Variants in ZBTB17 observed in about 807,000 individuals in gnomAD.
ZBTB17 encodes zinc finger and BTB domain containing 17.
Under a neutral mutation model 85.1 loss-of-function variants are expected in ZBTB17, and 24 were observed. The ratio of observed to expected loss-of-function variants is 0.28; its 90% CI spans 0.20 to 0.40. The LOEUF (loss-of-function observed/expected upper bound fraction) is 0.40. Among genes scored for constraint, ZBTB17 ranks in the 10% least tolerant of loss-of-function variants. The probability of loss-of-function intolerance (pLI) is 1.00; values close to 1 mark genes in which losing one functional copy is unlikely to be tolerated. For synonymous variants in ZBTB17, 464 were observed against 460.2 expected (o/e 1.01, Z -0.11); for missense variants, 743 against 1,105.1 (o/e 0.67, Z 4.65).
intron 7 of ZBTB17, 24 bp from the exon 8 acceptor site, chr1:15,944,863 G>A: frequency 1.3e-6 from 2 of 1,576,888 alleles, no homozygotes; most frequent in South Asian, 2.3e-5. Flanking sequence ...GGGGAAGCGG[G>A]GTGTGAGGAG....
chr1:15,944,871 G>A (rs1187304372), intron 7 of ZBTB17, 32 bp from the exon 8 acceptor site: 4 of 1,571,772 alleles, frequency 2.5e-6, no homozygotes, highest in Non-Finnish European at 3.5e-6. Context: ...GGGGTGTGAG[G>A]AGCAGCCGGT....
rs1169687720 is a variant in ZBTB17, at chr1:15,943,511, G to A, written c.1585C>T (p.Pro529Ser). 6.2e-7 allele frequency: 1 copy of A among 1,610,016 alleles called. No individual in the cohort carries two copies. Among genetic ancestry groups the A allele is most frequent in the Non-Finnish European group, 8.5e-7 (1 of 1,177,242 alleles). The change falls in exon 12 of 16, where the codon CCA becomes TCA. Residue 529 changes from proline to serine, a missense_variant. Pro to Ser is a moderately conservative substitution (Grantham distance 74). This residue lies in a region of ZBTB17 where 321 missense variants were observed against 615.7 expected (regional missense o/e 0.52). Coordinates refer to ENST00000375743, the MANE Select transcript of ZBTB17 (RefSeq NM_003443.3). ...RHVRIHTGEK[P>S]CQCVMCGKAF... Reference sequence around the variant, plus strand: ...TTACCGCACATCACACACTGGCATGGCTTCTCACCTGGGGACCGGGCAGAA... The same window carrying A: ...TTACCGCACATCACACACTGGCATGACTTCTCACCTGGGGACCGGGCAGAA...
Position 15,951,614 on chromosome 1 carries a change from T to C in ZBTB17, c.-2-3117A>G, listed in dbSNP as rs1246546118. Among the ~76,000 whole-genome samples, 4 of 152,136 alleles carry C rather than the reference T, an allele frequency of 2.6e-5. No homozygotes were observed. In the East Asian group the frequency reaches 7.7e-4, roughly 29 times the overall value. Reference sequence around the variant, plus strand: ...CAAGGCCCGTGGCGAGACGGAGGCATGGCCGGCTGGGTCCTTCCCTCTGAG... The same window carrying C: ...CAAGGCCCGTGGCGAGACGGAGGCACGGCCGGCTGGGTCCTTCCCTCTGAG... On this transcript the variant is annotated intron_variant, in intron 2 of 15. Coordinates refer to ENST00000375743, the MANE Select transcript of ZBTB17 (RefSeq NM_003443.3). The surrounding 1 kb of genome is among the most constrained non-coding windows in gnomAD (Gnocchi z 4.1).
At chr1:15,968,134 C>A (rs183502465) in intron 2 of ZBTB17, among the ~76,000 whole-genome samples, 266 of 152,292 alleles carry the variant, frequency 1.7e-3, no homozygotes, top group Middle Eastern at 6.8e-3. Context: ...CCCTGCTATA[C>A]TGGAACAAGA....
At chr1:15,944,223 C>A (rs1056935463) in intron 9 of ZBTB17, 77 bp downstream of exon 9, 49 of 1,526,486 alleles carry the variant, frequency 3.2e-5, no homozygotes, top group Admixed American at 3.9e-5. Flanking sequence ...GCTCCCCGCC[C>A]GCCCCACCAC....
intron 1 of ZBTB17, among the ~76,000 whole-genome samples, chr1:15,974,591 T>C (rs2072793286): frequency 6.6e-6 from 1 of 152,110 alleles, no homozygotes; most frequent in Admixed American, 6.5e-5. Context: ...TTTTTCTTTT[T>C]TGAGACGGAA....
intron 2 of ZBTB17, among the ~76,000 whole-genome samples, chr1:15,954,111 C>T (rs1235279610): frequency 6.6e-6 from 1 of 152,144 alleles, no homozygotes; most frequent in Non-Finnish European, 1.5e-5. Context: ...AGTGGAGAGA[C>T]ATCTAGAGCT....
intron 2 of ZBTB17, among the ~76,000 whole-genome samples, chr1:15,968,809 G>A (rs765425555): frequency 6.6e-5 from 10 of 152,326 alleles, no homozygotes; most frequent in South Asian, 2.1e-4. Context: ...GCAACCTGGC[G>A]TCCCCACAGG....
chr1:15,962,347 T>C (rs1193650882), intron 2 of ZBTB17, among the ~76,000 whole-genome samples: 2 of 152,314 alleles, frequency 1.3e-5, no homozygotes, highest in African/African-American at 4.8e-5. Context: ...CAGAGGAGGT[T>C]ACTGGCAAGA....
Position 15,946,923 on chromosome 1 carries a change from C to T in ZBTB17, c.394+12G>A. ...CTGGCCATCTGCTTGGGAGCAGCTGCCAATAACCTACCTTCTGTGGCCAAG... is the reference window on the plus strand; with the variant it reads ...CTGGCCATCTGCTTGGGAGCAGCTGTCAATAACCTACCTTCTGTGGCCAAG... On this transcript the variant is annotated intron_variant, in intron 4 of 15. Transcript: ENST00000375743. 6.2e-7 allele frequency: 1 copy of T among 1,601,258 alleles called. No homozygotes were observed.
chr1:15,959,646 AG>A, intron 2 of ZBTB17, among the ~76,000 whole-genome samples: 1 of 149,052 alleles, frequency 6.7e-6, no homozygotes, highest in Middle Eastern at 3.4e-3. Flanking sequence ...GAAGGGAGGG[AG>A]GGAGGTCCCA....
intron 2 of ZBTB17, 102 bp from the exon 3 acceptor site, chr1:15,948,599 G>A: frequency 1.6e-6 from 2 of 1,258,832 alleles, no homozygotes; most frequent in Non-Finnish European, 2.2e-6. Context: ...GGAGAAGACA[G>A]AATTAAAACA....
At position 15,953,180 on chromosome 1, in the gene ZBTB17, A is replaced by AT. The variant is rs112043935; in HGVS notation, c.-2-4684dup. ...ACATTCCAATTATTTAAAAAAATGT[A>AT]TTTTTTTTTTTTTGTAGAAGCAGGA... On this transcript the variant is annotated intron_variant, in intron 2 of 15. Transcript: ENST00000375743. The surrounding 1 kb of genome is among the most constrained non-coding windows in gnomAD (Gnocchi z 5.1). Among the ~76,000 whole-genome samples, 1,155 of 145,128 alleles carry AT rather than the reference A, an allele frequency of 8.0e-3. 7 individuals carry two copies. Among genetic ancestry groups the AT allele is most frequent in the Middle Eastern group, 0.025 (7 of 276 alleles).
rs1467882789 is a variant in ZBTB17, at chr1:15,942,873, C to T, written c.1829-135G>A. 6 of 1,340,818 alleles carry T rather than the reference C, an allele frequency of 4.5e-6. No homozygotes were observed. In the African/African-American group the frequency reaches 5.8e-5, roughly 13 times the overall value. The allele number at this position is 1,340,818 out of a possible 1,614,324, so 83.1% of individuals were successfully genotyped here. ...TGCTCTGGGGTGGCTGCACGGGTGC[C>T]TCTGGTGACACTGGCACCTCTGGAA... is the stretch of plus-strand genomic sequence containing the variant. On this transcript the variant is annotated intron_variant, in intron 13 of 15. Transcript: ENST00000375743.
rs937194175 is a variant in ZBTB17 at position 15,966,490 on chromosome 1, G to C, written c.-3+6549C>G. Among the ~76,000 whole-genome samples, 21 of 152,130 alleles carry C rather than the reference G, an allele frequency of 1.4e-4. No individual in the cohort carries two copies. The highest frequency in any genetic ancestry group is 5.1e-4 in the African/African-American group (21 of 41,426). Reference sequence around the variant, plus strand: ...GAGCCTCTGTCCACACTGCTGTTTAGATATGAGTGAACAACTCTCAGTTCT... The same window carrying C: ...GAGCCTCTGTCCACACTGCTGTTTACATATGAGTGAACAACTCTCAGTTCT... On this transcript the variant is annotated intron_variant, in intron 2 of 15. Coordinates refer to ENST00000375743, the MANE Select transcript of ZBTB17 (RefSeq NM_003443.3). This position sits in a 1 kb window ranked among gnomAD's most constrained non-coding sequence, Gnocchi z 4.1.
At chr1:15,975,948 G>A (rs1323532918) in intron 1 of ZBTB17, 35 bp downstream of exon 1, 1 of 697,890 alleles carries the variant, frequency 1.4e-6, no homozygotes, top group East Asian at 2.7e-5. Context: ...CGGCTCCCGG[G>A]ACTTCCCCGG....
Position 15,944,380 on chromosome 1 carries a change from TG to T in ZBTB17, c.1290del (p.Thr431LeufsTer28). The T allele has an allele frequency of 6.4e-7, 1 of 1,559,844 alleles. No homozygotes were observed. The highest frequency in any genetic ancestry group is 8.7e-7 in the Non-Finnish European group (1 of 1,152,230). ...GTCTCCAGGTGGCGCATCTTGGAAG[TG>T]GGGTCGGAGAAGGAGCGGCCGCAGT... ...CDYCGRSFSD[P>X]TSKMRHLETH... On this transcript the variant is annotated frameshift_variant, in exon 9 of 16. Transcript: ENST00000375743. LOFTEE classifies it high-confidence loss of function.
chr1:15,943,960 C>G, intron 9 of ZBTB17, 65 bp from the exon 10 acceptor site: 1 of 1,445,574 alleles, frequency 6.9e-7, no homozygotes, highest in Non-Finnish European at 9.5e-7. Context: ...CCTCACCTGC[C>G]CCTCCCACAA....
At position 15,945,000 on chromosome 1, in the gene ZBTB17, G is replaced by C. The variant is rs537348960; in HGVS notation, c.864C>G (p.Arg288=). 63 of 1,592,940 alleles carry C rather than the reference G, an allele frequency of 4.0e-5. No individual in the cohort carries two copies. In the South Asian group the frequency reaches 6.9e-4, roughly 17 times the overall value. ...QELGSEARGL[R]SGTYGDRTES... The stretch of plus-strand genomic sequence containing the variant: ...CCGTGCGGTCGCCGTAGGTGCCTGA[G>C]CGCAGGCCCCGGGCCTCGGAGCCGA... Residue 288 remains arginine, a synonymous_variant, in exon 7 of 16, where the codon CGC becomes CGG. Transcript: ENST00000375743.
Sources: gnomAD v4.1 joint callset for allele counts (sites outside exome capture counted in the v4.1 genomes callset) on GRCh38, gnomAD v4.1.1 for gene constraint, gnomAD v4.1.1 regional missense constraint, Gnocchi (gnomAD v3.1) non-coding constraint, MANE v1.5 for transcripts, NCBI Gene and HGNC (gene_info 2026-07-23, HGNC 2026-07-21) for gene names.